DDR1: variants seen among roughly 807,000 people sequenced by gnomAD.
The protein encoded by DDR1 is epithelial discoidin domain-containing receptor 1.
Under a neutral mutation model 97.4 loss-of-function variants are expected in DDR1, and 64 were observed. The ratio of observed to expected loss-of-function variants is 0.66; its 90% CI spans 0.54 to 0.81. DDR1 has a LOEUF of 0.81. Ranked by LOEUF, DDR1 falls within the 30% of genes least tolerant of loss-of-function variation. DDR1 has a pLI of 0.00. For synonymous variants in DDR1, 458 were observed against 503.7 expected (o/e 0.91, Z 1.21); for missense variants, 990 against 1,259.6 (o/e 0.79, Z 3.24).
At chr6:30,883,691 C>T (rs1218785971), upstream of DDR1, 1 of 152,356 alleles carries the variant, frequency 6.6e-6, no homozygotes, top group African/African-American at 2.4e-5. This position sits in a 1 kb window ranked among gnomAD's most constrained non-coding sequence, Gnocchi z 4.9. Flanking sequence ...ACTCCTGAGT[C>T]CCCCTCCCAC....
At position 30,889,241 on chromosome 6, in the gene DDR1, A is replaced by G; in HGVS notation, c.228A>G (p.Ala76=). The change falls in exon 4 of 18, where the codon GCA becomes GCG. Residue 76 remains alanine (A), a synonymous_variant. Coordinates refer to ENST00000376568, the MANE Select transcript of DDR1 (RefSeq NM_001297654.2). This position sits in a 1 kb window ranked among gnomAD's most constrained non-coding sequence, Gnocchi z 4.9. ...SSDGDGAWCP[A]GSVFPKEEEY... is the part of the protein sequence containing the mutation. Reference sequence around the variant, plus strand: ...ACGGGGATGGGGCCTGGTGCCCCGCAGGGTCGGTGTTTCCCAAGGAGGAGG... The same window carrying G: ...ACGGGGATGGGGCCTGGTGCCCCGCGGGGTCGGTGTTTCCCAAGGAGGAGG... 1 of 1,613,078 alleles carries G rather than the reference A, an allele frequency of 6.2e-7. No homozygotes were observed. The highest frequency in any genetic ancestry group is 1.1e-5 in the South Asian group (1 of 91,088).
Position 30,892,515 on chromosome 6 carries a change from C to T in DDR1, c.1072C>T (p.Leu358Phe). 2 of 1,600,760 alleles carry T rather than the reference C, an allele frequency of 1.2e-6. No homozygotes were observed. The highest frequency in any genetic ancestry group is 1.7e-6 in the Non-Finnish European group (2 of 1,172,558). Residue 358 changes from leucine (L) to phenylalanine (F), a missense_variant, in exon 8 of 18, where the codon CTC (leucine) becomes TTC (phenylalanine). Coordinates refer to ENST00000376568, the MANE Select transcript of DDR1 (RefSeq NM_001297654.2). ...CTTCCTCTTTGCGGGGCCCTGGTTA[C>T]TCTTCAGCGAAATCTCCTTCATCTC... is the stretch of plus-strand genomic sequence containing the variant. ...CRFLFAGPWL[L>F]FSEISFISDV...
Position 30,885,326 on chromosome 6 carries a change from G to A in DDR1, c.-43+616G>A, listed in dbSNP as rs1258485951. Reference sequence around the variant, plus strand: ...CCAGCAGCCAGAGGCAGGCGCCCAAGCTCGCTGGCTGTTGCTGAGGGCCTG... The same window carrying A: ...CCAGCAGCCAGAGGCAGGCGCCCAAACTCGCTGGCTGTTGCTGAGGGCCTG... On this transcript the variant is annotated intron_variant, in intron 1 of 17. Transcript: ENST00000376568. 17 of 1,461,302 alleles carry A rather than the reference G, an allele frequency of 1.2e-5. No homozygotes were observed. In the East Asian group the frequency reaches 3.5e-4, roughly 30 times the overall value. 90.5% of individuals were successfully genotyped at this position (1,461,302 alleles called of 1,614,324 possible).
rs200285468 is a variant in DDR1 at position 30,892,152 on chromosome 6, T to G, written c.816T>G (p.Phe272Leu). ...CCAGTGGCTATGTGGAGATGGAGTTTGAGTTTGACCGGCTGAGGGCCTTCC... is the reference window on the plus strand; with the variant it reads ...CCAGTGGCTATGTGGAGATGGAGTTGGAGTTTGACCGGCTGAGGGCCTTCC... ...SFSSGYVEME[F>L]EFDRLRAFQA... is the part of the protein sequence containing the mutation. Residue 272 changes from phenylalanine (F) to leucine (L), a missense_variant, in exon 7 of 18, where the codon TTT becomes TTG. Physicochemically the swap from Phe to Leu is conservative, Grantham distance 22 (BLOSUM62 0). Transcript: ENST00000376568. 1.9e-6 allele frequency: 3 copies of G among 1,614,150 alleles called. No individual in the cohort carries two copies. The African/African-American group carries it at 4.0e-5, about 22-fold the overall frequency.
chr6:30,892,502 G>T lies in DDR1; in HGVS notation c.1059G>T (p.Ala353=). The part of the protein sequence containing the change: ...ARFLQCRFLF[A]GPWLLFSEIS... Reference sequence around the variant, plus strand: ...TTCTGCAGTGCCGCTTCCTCTTTGCGGGGCCCTGGTTACTCTTCAGCGAAA... The same window carrying T: ...TTCTGCAGTGCCGCTTCCTCTTTGCTGGGCCCTGGTTACTCTTCAGCGAAA... Residue 353 remains alanine (A), a synonymous_variant, in exon 8 of 18, where the codon GCG becomes GCT. Coordinates refer to ENST00000376568, the MANE Select transcript of DDR1 (RefSeq NM_001297654.2). 6.2e-7 allele frequency: 1 copy of T among 1,608,044 alleles called. No homozygotes were observed.
chr6:30,888,992 C>G lies in DDR1; in HGVS notation c.170C>G (p.Thr57Ser), dbSNP rs1786930103. The change falls in exon 3 of 18, where the codon ACT (threonine) becomes AGT (serine). Residue 57 changes from threonine (T) to serine (S), a missense_variant. Coordinates refer to ENST00000376568, the MANE Select transcript of DDR1 (RefSeq NM_001297654.2). This position sits in a 1 kb window ranked among gnomAD's most constrained non-coding sequence, Gnocchi z 4.2. ...GCTTCCAGCTCCTGGTCAGATTCCACTGCCGCCCGCCACAGCAGGTACTTG... is the reference window on the plus strand; with the variant it reads ...GCTTCCAGCTCCTGGTCAGATTCCAGTGCCGCCCGCCACAGCAGGTACTTG... ...ISASSSWSDSTAARHSRLESS... is the reference protein window; with the variant it reads ...ISASSSWSDSSAARHSRLESS... The G allele has an allele frequency of 6.2e-7, 1 of 1,612,774 alleles. No individual in the cohort carries two copies. Among genetic ancestry groups the G allele is most frequent in the Non-Finnish European group, 8.5e-7 (1 of 1,179,936 alleles).
rs900517651 is a variant in DDR1, at chr6:30,890,815, C to T, written c.418-158C>T. ...GTCTCAGCTGCAGATCTTCATTTCA[C>T]CCATGCCTGGCTGCGCCCCACAGTG... On this transcript the variant is annotated intron_variant, in intron 4 of 17. Transcript: ENST00000376568. The surrounding 1 kb of genome is among the most constrained non-coding windows in gnomAD (Gnocchi z 5.0). 4 of 654,682 alleles carry T rather than the reference C, an allele frequency of 6.1e-6. No homozygotes were observed. In the Admixed American group the frequency reaches 1.1e-4, roughly 17 times the overall value. The allele number at this position is 654,682 out of a possible 1,614,324, so 40.6% of individuals were successfully genotyped here.
At chr6:30,898,384 C>T (rs1791720935) in intron 16 of DDR1, 77 bp downstream of exon 16, 1 of 1,042,364 alleles carries the variant, frequency 9.6e-7, no homozygotes, top group East Asian at 2.6e-5. Flanking sequence ...CCCTGGTCTC[C>T]ATCAGTCACA....
rs1017814400 is a variant in DDR1 at position 30,894,430 on chromosome 6, G to A, written c.1348-76G>A. ...TCTTGTGAGGGCTGAGGGAGGGAACGCAGGGATGGACACAGCAGAGGGCCA... is the reference window on the plus strand; with the variant it reads ...TCTTGTGAGGGCTGAGGGAGGGAACACAGGGATGGACACAGCAGAGGGCCA... On this transcript the variant is annotated intron_variant, in intron 10 of 17. Transcript: ENST00000376568. The surrounding 1 kb of genome is among the most constrained non-coding windows in gnomAD (Gnocchi z 5.7). The A allele has an allele frequency of 3.3e-5, 47 of 1,426,564 alleles. No individual in the cohort carries two copies. Among genetic ancestry groups the A allele is most frequent in the Non-Finnish European group, 4.0e-5 (43 of 1,065,142 alleles). The allele number at this position is 1,426,564 out of a possible 1,614,324, so 88.4% of individuals were successfully genotyped here.
In DDR1 at chr6:30,898,059, G is replaced by T; in HGVS notation, c.2217-14G>T. On this transcript the variant is annotated splice_polypyrimidine_tract_variant and intron_variant, in intron 15 of 17. Transcript: ENST00000376568. Reference sequence around the variant, plus strand: ...AAGCTGCCCCCAGTGACCTTCTGTCGGTTCCCTTCTCAGCTACCCAATGCT... The same window carrying T: ...AAGCTGCCCCCAGTGACCTTCTGTCTGTTCCCTTCTCAGCTACCCAATGCT... The T allele has an allele frequency of 1.9e-6, 3 of 1,606,846 alleles. No individual in the cohort carries two copies. The highest frequency in any genetic ancestry group is 2.6e-6 in the Non-Finnish European group (3 of 1,173,486).
chr6:30,891,321 G>A lies in DDR1; in HGVS notation c.566-59G>A. 1 of 1,480,898 alleles carries A rather than the reference G, an allele frequency of 6.8e-7. No individual in the cohort carries two copies. The highest frequency in any genetic ancestry group is 9.4e-7 in the Non-Finnish European group (1 of 1,067,350). 91.7% of individuals were successfully genotyped at this position (1,480,898 alleles called of 1,614,324 possible). A position where few individuals can be genotyped will look rare whatever the true frequency, so the allele number is the denominator to read the frequency against. On this transcript the variant is annotated intron_variant, in intron 5 of 17. Transcript: ENST00000376568. The surrounding 1 kb of genome is among the most constrained non-coding windows in gnomAD (Gnocchi z 5.3). The stretch of plus-strand genomic sequence containing the variant: ...GACCTGAAACCTGCCCAGGCCTGAT[G>A]CAGGGATGGGGGATGGAGCCTTAGT...
In DDR1 at chr6:30,884,881, C is replaced by T. The variant is rs1163792322; in HGVS notation, c.-43+171C>T. 3 of 356,908 alleles carry T rather than the reference C, an allele frequency of 8.4e-6. No individual in the cohort carries two copies. Among genetic ancestry groups the T allele is most frequent in the Admixed American group, 4.3e-5 (1 of 23,178 alleles). The allele number at this position is 356,908 out of a possible 1,614,324, so 22.1% of individuals were successfully genotyped here. ...CCGCCTCCCCGATGCTCTGGCATAC[C>T]GTCTGAAAACCGGGGGCGGGGACTG... On this transcript the variant is annotated intron_variant, in intron 1 of 17. Coordinates refer to ENST00000376568, the MANE Select transcript of DDR1 (RefSeq NM_001297654.2). This position sits in a 1 kb window ranked among gnomAD's most constrained non-coding sequence, Gnocchi z 6.1.
Position 30,892,348 on chromosome 6 carries a change from A to G in DDR1, c.905A>G (p.Glu302Gly). The part of the protein sequence containing the change: ...TLGARLPGGV[E>G]CRFRRGPAMA... Reference sequence around the variant, plus strand: ...GGAGCCCGTCTGCCTGGCGGGGTGGAATGTCGCTTCCGGCGTGGCCCTGCC... The same window carrying G: ...GGAGCCCGTCTGCCTGGCGGGGTGGGATGTCGCTTCCGGCGTGGCCCTGCC... Residue 302 changes from glutamate (E) to glycine (G), a missense_variant, in exon 8 of 18, where the codon GAA becomes GGA. Physicochemically the swap from Glu to Gly is moderately conservative, Grantham distance 98 (BLOSUM62 -2). Transcript: ENST00000376568. 6.3e-7 allele frequency: 1 copy of G among 1,579,208 alleles called. No homozygotes were observed. The highest frequency in any genetic ancestry group is 8.6e-7 in the Non-Finnish European group (1 of 1,162,758).
chr6:30,893,897 A>C (rs1469707221), intron 10 of DDR1, among the ~76,000 whole-genome samples: 1 of 152,186 alleles, frequency 6.6e-6, no homozygotes. Context: ...GGCAAAGGGA[A>C]GACGTCTGGC....
chr6:30,881,735 T>A (rs1467678158), upstream of DDR1, among the ~76,000 whole-genome samples: 2 of 152,152 alleles, frequency 1.3e-5, no homozygotes, highest in Non-Finnish European at 2.9e-5. Context: ...CACCTTTTGC[T>A]GTGTGTGCCC....
rs1791683756 is a variant in DDR1 at position 30,898,297 on chromosome 6, G to A, written c.2441G>A (p.Cys814Tyr). 1.2e-6 allele frequency: 2 copies of A among 1,612,698 alleles called. No homozygotes were observed. Among genetic ancestry groups the A allele is most frequent in the Non-Finnish European group, 1.7e-6 (2 of 1,179,040 alleles). Reference protein sequence around the residue: ...VLPIRWMAWECILMGKFTTAS... With the variant: ...VLPIRWMAWEYILMGKFTTAS... ...CCCATCCGCTGGATGGCCTGGGAGT[G>A]CATCCTCATGGTGAGCAGCCCGAGG... Residue 814 changes from cysteine (C) to tyrosine (Y), a missense_variant, in exon 16 of 18, where the codon TGC becomes TAC. Coordinates refer to ENST00000376568, the MANE Select transcript of DDR1 (RefSeq NM_001297654.2).
chr6:30,882,506 C>G (rs1784460332), upstream of DDR1: 1 of 152,330 alleles, frequency 6.6e-6, no homozygotes, highest in African/African-American at 2.4e-5. The surrounding 1 kb of genome is among the most constrained non-coding windows in gnomAD (Gnocchi z 4.8). Flanking sequence ...CCCTCTCAGG[C>G]CCCTGGGAAT....
At position 30,897,601 on chromosome 6, in the gene DDR1, C is replaced by T. The variant is rs765535922; in HGVS notation, c.2216+4C>T. 8 of 1,606,244 alleles carry T rather than the reference C, an allele frequency of 5.0e-6. No individual in the cohort carries two copies. In the African/African-American group the frequency reaches 1.1e-4, roughly 21 times the overall value. On this transcript the variant is annotated splice_donor_region_variant and intron_variant, in intron 15 of 17. Coordinates refer to ENST00000376568, the MANE Select transcript of DDR1 (RefSeq NM_001297654.2). The surrounding 1 kb of genome is among the most constrained non-coding windows in gnomAD (Gnocchi z 5.2). ...CTGCGCAGGGGCCCACCATCAGGTA[C>T]CTGCTTACCCAGGCTGGGCCTTGCT...
rs778802269 is a variant in DDR1 at position 30,897,123 on chromosome 6, A to G, written c.1979A>G (p.Asp660Gly). ...GTAGCTGTCAAGATCTTACGGCCAG[A>G]TGCCACCAAGAATGCCAGGTGAGGA... The part of the protein sequence containing the change: ...LLVAVKILRP[D>G]ATKNARNDFL... Residue 660 changes from aspartate to glycine, a missense_variant, in exon 14 of 18, where the codon GAT becomes GGT. Coordinates refer to ENST00000376568, the MANE Select transcript of DDR1 (RefSeq NM_001297654.2). This position sits in a 1 kb window ranked among gnomAD's most constrained non-coding sequence, Gnocchi z 5.2. 28 of 1,613,802 alleles carry G rather than the reference A, an allele frequency of 1.7e-5. No individual in the cohort carries two copies. The highest frequency in any genetic ancestry group is 2.4e-5 in the Non-Finnish European group (28 of 1,179,970).
Sources: allele counts gnomAD v4.1 joint callset (sites outside exome capture counted in the v4.1 genomes callset), GRCh38; gene constraint gnomAD v4.1.1; non-coding constraint Gnocchi (gnomAD v3.1); transcripts MANE v1.5; gene names NCBI Gene and HGNC (gene_info 2026-07-23, HGNC 2026-07-21).